The following FMN2 variants were observed in gnomAD, a reference collection of about 807,000 sequenced individuals.
FMN2 encodes formin 2, also known as formin-2.
In FMN2, 51 loss-of-function variants were observed where a neutral mutation model predicts 142.3. The observed-to-expected ratio is 0.36, with a 90% CI of 0.29 to 0.45. The LOEUF (loss-of-function observed/expected upper bound fraction) is 0.45, where lower values mean the gene tolerates loss of function less well. Ranked by LOEUF, FMN2 falls within the 20% of genes least tolerant of loss-of-function variation. The pLI is 1.00. For synonymous variants in FMN2, 882 were observed against 869.8 expected (o/e 1.01, Z -0.25); for missense variants, 1,936 against 2,122.8 (o/e 0.91, Z 1.73).
chr1:240,450,582 T>C (rs1675977379), intron 16 of FMN2, among the ~76,000 whole-genome samples: 1 of 152,170 alleles, frequency 6.6e-6, no homozygotes. Flanking sequence ...CCACCTCCGA[T>C]TGATTATAGA....
intron 16 of FMN2, among the ~76,000 whole-genome samples, chr1:240,442,025 C>T (rs1159142648): frequency 1.3e-5 from 2 of 152,114 alleles, no homozygotes; most frequent in Non-Finnish European, 2.9e-5. Context: ...TTGTGGAAGT[C>T]CTGAATGCAG....
intron 14 of FMN2, among the ~76,000 whole-genome samples, chr1:240,377,424 A>G (rs1673083718): frequency 6.6e-6 from 1 of 152,192 alleles, no homozygotes; most frequent in Non-Finnish European, 1.5e-5. Context: ...AAATTACCAC[A>G]AACTTCATAG....
Position 240,144,272 on chromosome 1 carries a change from C to T in FMN2, c.1782+20927C>T, listed in dbSNP as rs567156552. 1,896 of 1,602,656 alleles carry T rather than the reference C, an allele frequency of 1.2e-3. 4 individuals carry two copies. The highest frequency in any genetic ancestry group is 4.5e-3 in the South Asian group (410 of 90,840). On this transcript the variant is annotated intron_variant, in intron 2 of 17. Transcript: ENST00000319653. The stretch of plus-strand genomic sequence containing the variant: ...CACAAAAGAGGAGGCCAGGTTCATG[C>T]GGGCAGAGTCCACCTGAGAGCCACT...
intron 3 of FMN2, among the ~76,000 whole-genome samples, chr1:240,186,616 G>A (rs9970045): frequency 0.26 from 39,591 of 152,068 alleles, 5,673 homozygotes; most frequent in African/African-American, 0.38. Context: ...CAGATTTTGG[G>A]AAGAAGAGTG....
chr1:240,154,832 CCTTCCTTCCT>C, intron 2 of FMN2: 1 of 144,300 alleles, frequency 6.9e-6, no homozygotes, highest in Non-Finnish European at 1.5e-5. Flanking sequence ...TTCCTTCCTT[CCTTCCTTCCT>C]TCCCTCCCTC....
At chr1:240,438,245 A>G (rs1193354674) in intron 16 of FMN2, 35 bp downstream of exon 16, 1 of 1,596,272 alleles carries the variant, frequency 6.3e-7, no homozygotes, top group East Asian at 2.2e-5. Flanking sequence ...GCATTTTAAA[A>G]CTGGTGTTTT....
At chr1:240,329,505 C>T (rs763743988) in intron 10 of FMN2, 37 bp downstream of exon 10, 1 of 1,602,110 alleles carries the variant, frequency 6.2e-7, no homozygotes, top group Admixed American at 1.7e-5. Context: ...ACTTGAGTCT[C>T]ATTTAATTGT....
At chr1:240,247,086 T>C (rs371653845) in intron 6 of FMN2, among the ~76,000 whole-genome samples, 1 of 152,240 alleles carries the variant, frequency 6.6e-6, no homozygotes. Flanking sequence ...TCCATCCTTT[T>C]AGACATCTGT....
intron 15 of FMN2, among the ~76,000 whole-genome samples, chr1:240,410,620 T>C (rs953158446): frequency 1.3e-5 from 2 of 152,130 alleles, no homozygotes; most frequent in South Asian, 2.1e-4. Context: ...TATTGAGAAA[T>C]TTTTTGGGAT....
At chr1:240,151,533 C>T (rs965573610) in intron 2 of FMN2, among the ~76,000 whole-genome samples, 4 of 151,986 alleles carry the variant, frequency 2.6e-5, no homozygotes, top group South Asian at 2.1e-4. Flanking sequence ...ATGTAAGCTC[C>T]GGTGTGGGCG....
rs575614120 is a variant in FMN2 at position 240,446,912 on chromosome 1, C to T, written c.5060+8702C>T. Among the ~76,000 whole-genome samples the T allele has an allele frequency of 9.3e-4, 141 of 152,290 alleles. 1 individual carries two copies. The highest frequency in any genetic ancestry group is 3.2e-3 in the African/African-American group (134 of 41,560). On this transcript the variant is annotated intron_variant, in intron 16 of 17. Transcript: ENST00000319653. ...GACTTTAGGATTTCAGCTTCACACACTACCCCTGTTCCCATTAGGGGGAGT... is the reference window on the plus strand; with the variant it reads ...GACTTTAGGATTTCAGCTTCACACATTACCCCTGTTCCCATTAGGGGGAGT...
chr1:240,104,003 A>T (rs553779591), intron 1 of FMN2, among the ~76,000 whole-genome samples: 24 of 151,674 alleles, frequency 1.6e-4, no homozygotes, highest in Admixed American at 4.6e-4. Flanking sequence ...CAGCCTCCCG[A>T]GTAGCTGGGA....
chr1:240,323,105 C>A (rs1671030586), intron 8 of FMN2, among the ~76,000 whole-genome samples: 2 of 149,064 alleles, frequency 1.3e-5, no homozygotes, highest in African/African-American at 4.9e-5. Context: ...AGACCTTTTT[C>A]TTTTCTTTTT....
chr1:240,458,410 A>G (rs1676324263), intron 16 of FMN2: 1 of 152,190 alleles, frequency 6.6e-6, no homozygotes, highest in Non-Finnish European at 1.5e-5. Flanking sequence ...AACTCTCTAT[A>G]AAGTAATTTC....
intron 4 of FMN2, among the ~76,000 whole-genome samples, chr1:240,191,144 G>A (rs1200857772): frequency 1.3e-5 from 2 of 152,178 alleles, no homozygotes; most frequent in East Asian, 3.9e-4. Context: ...CAGCCGAGTT[G>A]GAAAGCATCC....
At position 240,252,953 on chromosome 1, in the gene FMN2, C is replaced by CTTTTTTTT. The variant is rs59902639; in HGVS notation, c.4066-4982_4066-4975dup. On this transcript the variant is annotated intron_variant, in intron 6 of 17. Coordinates refer to ENST00000319653, the MANE Select transcript of FMN2 (RefSeq NM_020066.5). ...CCCATGTGTGATGTAGTCTTGTTCA[C>CTTTTTTTT]TTTTTTTTTTTTTTTTTGGAGACAG... 6.9e-3 allele frequency among the ~76,000 whole-genome samples: 451 copies of CTTTTTTTT among 65,294 alleles called. 73 individuals carry two copies. Among genetic ancestry groups the CTTTTTTTT allele is most frequent in the African/African-American group, 0.013 (192 of 14,732 alleles). 42.8% of individuals were successfully genotyped at this position (65,294 alleles called of 152,430 possible).
chr1:240,462,168 C>A (rs970484119), intron 16 of FMN2, among the ~76,000 whole-genome samples: 1 of 152,074 alleles, frequency 6.6e-6, no homozygotes, highest in Non-Finnish European at 1.5e-5. Context: ...CACAGATATC[C>A]CATGAGAGAG....
intron 2 of FMN2, among the ~76,000 whole-genome samples, chr1:240,133,969 C>A (rs1242709601): frequency 6.6e-6 from 1 of 152,150 alleles, no homozygotes; most frequent in African/African-American, 2.4e-5. Flanking sequence ...GGATTCTAAT[C>A]CCATCTTCTC....
At chr1:240,460,197 A>G (rs1676401585) in intron 16 of FMN2, among the ~76,000 whole-genome samples, 1 of 152,262 alleles carries the variant, frequency 6.6e-6, no homozygotes, top group Non-Finnish European at 1.5e-5. Context: ...ATTATTCAAT[A>G]GAACTTCTCC....
Sources: gnomAD v4.1 joint callset for allele counts (sites outside exome capture counted in the v4.1 genomes callset) on GRCh38, gnomAD v4.1.1 for gene constraint, MANE v1.5 for transcripts, NCBI Gene and HGNC (gene_info 2026-07-23, HGNC 2026-07-21) for gene names.